Variants in CDKAL1 observed in about 807,000 individuals in gnomAD.
The protein encoded by CDKAL1 is CDKAL1 threonylcarbamoyladenosine tRNA methylthiotransferase.
A neutral mutation model predicts 68.2 loss-of-function variants in CDKAL1; 32 were observed. That is an observed-to-expected ratio of 0.47 (90% confidence interval 0.35 to 0.63). CDKAL1 has a LOEUF of 0.63. Ranked by LOEUF, CDKAL1 falls within the 30% of genes least tolerant of loss-of-function variation. The pLI, the probability that CDKAL1 is intolerant of heterozygous loss-of-function variation, is 0.00. For missense variants in CDKAL1, 606 were observed against 696.7 expected (o/e 0.87, Z 1.47); for synonymous variants, 234 against 244.3 (o/e 0.96, Z 0.39).
intron 4 of CDKAL1, among the ~76,000 whole-genome samples, chr6:20,565,219 A>G (rs564859217): frequency 6.6e-6 from 1 of 152,134 alleles, no homozygotes; most frequent in African/African-American, 2.4e-5. Flanking sequence ...CAGTTCCATT[A>G]CTATTATAAA....
chr6:21,218,034 T>C (rs1245620397), intron 15 of CDKAL1, among the ~76,000 whole-genome samples: 2 of 152,254 alleles, frequency 1.3e-5, no homozygotes, highest in Non-Finnish European at 2.9e-5. Context: ...TTTAGAACTT[T>C]GTATATTTTT....
intron 10 of CDKAL1, among the ~76,000 whole-genome samples, chr6:20,989,778 CTT>C (rs145037789): frequency 0.013 from 2,013 of 152,138 alleles, 43 homozygotes; most frequent in African/African-American, 0.044. Flanking sequence ...TAGTTTTTCT[CTT>C]TGTTATTTTA....
rs971089346 is a variant in CDKAL1 at position 20,914,385 on chromosome 6, C to T, written c.743-41034C>T. 7.2e-5 allele frequency among the ~76,000 whole-genome samples: 11 copies of T among 152,278 alleles called. No individual in the cohort carries two copies. The South Asian group carries it at 8.3e-4, about 11-fold the overall frequency. Reference sequence around the variant, plus strand: ...TCCACTCTCTCTAAAATGCACCCACCGCCAAACACTTCCATCTTTTAATCT... The same window carrying T: ...TCCACTCTCTCTAAAATGCACCCACTGCCAAACACTTCCATCTTTTAATCT... On this transcript the variant is annotated intron_variant, in intron 9 of 15. Transcript: ENST00000274695.
intron 10 of CDKAL1, among the ~76,000 whole-genome samples, chr6:20,957,117 G>A (rs1366089908): frequency 6.6e-6 from 1 of 151,828 alleles, no homozygotes; most frequent in Admixed American, 6.6e-5. Flanking sequence ...TATACTAGAC[G>A]TGTGGAGGGT....
chr6:20,707,822 G>T (rs1293072184), intron 5 of CDKAL1, among the ~76,000 whole-genome samples: 2 of 152,160 alleles, frequency 1.3e-5, no homozygotes, highest in East Asian at 3.8e-4. Context: ...TATGCTTAAA[G>T]AAATCTTAAA....
At chr6:20,720,199 T>C (rs537633350) in intron 5 of CDKAL1, among the ~76,000 whole-genome samples, 8 of 152,158 alleles carry the variant, frequency 5.3e-5, no homozygotes, top group Non-Finnish European at 8.8e-5. Flanking sequence ...GTGGCACTGT[T>C]CTGCTTTCCT....
In CDKAL1 at chr6:21,232,008, T is replaced by A. The variant is rs13213171; in HGVS notation, c.*969T>A. ...TCCATTGGGGTTTTTTTTTTGTTTT[T>A]GTTTTTTTTTTTTTTTGAGTCAAGG... is the stretch of plus-strand genomic sequence containing the variant. On this transcript the variant is annotated 3_prime_UTR_variant, in exon 16 of 16. Coordinates refer to ENST00000274695, the MANE Select transcript of CDKAL1 (RefSeq NM_017774.3). The A allele has an allele frequency of 7.4e-6, 1 of 134,310 alleles. No homozygotes were observed. Among genetic ancestry groups the A allele is most frequent in the South Asian group, 2.3e-4 (1 of 4,276 alleles). 8.3% of individuals were successfully genotyped at this position (134,310 alleles called of 1,614,324 possible).
chr6:21,212,385 C>A (rs566031758), intron 15 of CDKAL1, among the ~76,000 whole-genome samples: 2 of 152,178 alleles, frequency 1.3e-5, no homozygotes, highest in Non-Finnish European at 2.9e-5. Flanking sequence ...AGTCATTTGA[C>A]ATCTTGATAA....
intron 11 of CDKAL1, among the ~76,000 whole-genome samples, chr6:21,041,208 A>G (rs1769905914): frequency 6.6e-6 from 1 of 152,226 alleles, no homozygotes; most frequent in Non-Finnish European, 1.5e-5. Flanking sequence ...AACACCACAA[A>G]TAAATCTTTT....
intron 4 of CDKAL1, among the ~76,000 whole-genome samples, chr6:20,593,250 G>A (rs932575483): frequency 3.3e-5 from 5 of 152,166 alleles, no homozygotes; most frequent in Non-Finnish European, 5.9e-5. Context: ...AATGGTACCA[G>A]CTCCTCTTTG....
At chr6:21,038,373 T>C (rs1464610158) in intron 11 of CDKAL1, among the ~76,000 whole-genome samples, 2 of 152,218 alleles carry the variant, frequency 1.3e-5, no homozygotes, top group East Asian at 3.8e-4. Context: ...GCCCCTGTGA[T>C]AGATTCTGTA....
intron 9 of CDKAL1, among the ~76,000 whole-genome samples, chr6:20,888,662 T>TCCCTACA (rs1761218972): frequency 1.3e-5 from 2 of 151,326 alleles, no homozygotes; most frequent in African/African-American, 4.9e-5. Flanking sequence ...AGAATGATGA[T>TCCCTACA]TTCCAGTTTC....
At chr6:20,627,937 A>C (rs1051985705) in intron 4 of CDKAL1, among the ~76,000 whole-genome samples, 7 of 152,048 alleles carry the variant, frequency 4.6e-5, no homozygotes, top group Non-Finnish European at 7.4e-5. Context: ...GTCAATCTTA[A>C]ATTCTGTGAC....
intron 9 of CDKAL1, among the ~76,000 whole-genome samples, chr6:20,850,677 A>T (rs771905071): frequency 1.3e-5 from 2 of 152,046 alleles, no homozygotes; most frequent in Non-Finnish European, 2.9e-5. Context: ...GCCTCAAGTG[A>T]TCTGCCCACC....
At chr6:20,645,635 G>T (rs1209702605) in intron 4 of CDKAL1, among the ~76,000 whole-genome samples, 7 of 152,000 alleles carry the variant, frequency 4.6e-5, no homozygotes, top group Admixed American at 2.6e-4. Context: ...GGCGGCTGAG[G>T]CAGGAGAATC....
chr6:20,943,021 A>G (rs972991212), intron 9 of CDKAL1, among the ~76,000 whole-genome samples: 2 of 150,218 alleles, frequency 1.3e-5, no homozygotes, highest in Non-Finnish European at 3.0e-5. Context: ...TTCTGGTCCA[A>G]TTCTTTTCTT....
intron 4 of CDKAL1, among the ~76,000 whole-genome samples, chr6:20,554,236 T>A (rs984792334): frequency 2.0e-5 from 3 of 152,250 alleles, no homozygotes; most frequent in Admixed American, 6.5e-5. Context: ...GTATCGTGGG[T>A]ACATGGATAT....
At position 20,799,040 on chromosome 6, in the gene CDKAL1, GTTTTTTT is replaced by G. The variant is rs754008816; in HGVS notation, c.638+17798_638+17804del. 3.7e-3 allele frequency among the ~76,000 whole-genome samples: 178 copies of G among 47,502 alleles called. 2 individuals are homozygous for G. Among genetic ancestry groups the G allele is most frequent in the African/African-American group, 0.013 (151 of 11,742 alleles). The allele number at this position is 47,502 out of a possible 152,430, so 31.2% of individuals were successfully genotyped here. On this transcript the variant is annotated intron_variant, in intron 8 of 15. Coordinates refer to ENST00000274695, the MANE Select transcript of CDKAL1 (RefSeq NM_017774.3). ...GGCCCATATATTTGAAAAGAACTGA[GTTTTTTT>G]TTTTTTTTTTTTTTTTTTTTTTGAG...
At chr6:20,623,878 A>G (rs1026606515) in intron 4 of CDKAL1, among the ~76,000 whole-genome samples, 4 of 152,050 alleles carry the variant, frequency 2.6e-5, no homozygotes. Context: ...TCATCTGTAA[A>G]GTGGGGCTAA....
Sources: gnomAD v4.1 joint callset for allele counts (sites outside exome capture counted in the v4.1 genomes callset) on GRCh38, gnomAD v4.1.1 for gene constraint, MANE v1.5 for transcripts, NCBI Gene and HGNC (gene_info 2026-07-23, HGNC 2026-07-21) for gene names.